Variants in TMEM50B observed in about 807,000 individuals in gnomAD.
The protein encoded by TMEM50B is HCV p7-trans-regulated protein 3.
TMEM50B carries 14 observed loss-of-function variants against 23.4 expected under a neutral mutation model. The ratio of observed to expected loss-of-function variants is 0.60; its 90% CI spans 0.39 to 0.93. The LOEUF is 0.93. Ranked by LOEUF, TMEM50B falls within the 40% of genes least tolerant of loss-of-function variation. The probability of loss-of-function intolerance (pLI) is 0.00; values close to 1 mark genes in which losing one functional copy is unlikely to be tolerated. For missense variants in TMEM50B, 159 were observed against 193.0 expected (o/e 0.82, Z 1.04); for synonymous variants, 64 against 62.3 (o/e 1.03, Z -0.13).
exon 9 of TMEM50B, chr21:33,432,527 G>C: frequency 2.4e-6 from 2 of 845,068 alleles, no homozygotes; most frequent in Non-Finnish European, 3.9e-6. Context: ...GCTACCACTT[G>C]CTTTATTTCA....
downstream of TMEM50B, among the ~76,000 whole-genome samples, chr21:33,446,283 C>G (rs2084054025): frequency 6.7e-6 from 1 of 149,422 alleles, no homozygotes; most frequent in African/African-American, 2.5e-5. Context: ...GTTGCCCACA[C>G]TGGAGTACAG....
chr21:33,468,967 G>T lies in TMEM50B; in HGVS notation c.-41-41C>A, dbSNP rs1385750632. On this transcript the variant is annotated intron_variant, in intron 1 of 6. Transcript: ENST00000542230. ...CAAAAACTAATCAACCTAAGAAAAT[G>T]TTTTCTAAAAGTAAAATACCTTACT... The T allele has an allele frequency of 7.1e-6, 8 of 1,125,350 alleles. No individual in the cohort carries two copies. In the East Asian group the frequency reaches 1.7e-4, roughly 23 times the overall value. 69.7% of individuals were successfully genotyped at this position (1,125,350 alleles called of 1,614,324 possible).
intron 5 of TMEM50B, among the ~76,000 whole-genome samples, chr21:33,457,675 C>T (rs988078358): frequency 1.2e-4 from 18 of 149,956 alleles, no homozygotes; most frequent in African/African-American, 3.2e-4. Flanking sequence ...AAAATACACT[C>T]AACAATAGTA....
rs925200308 is a variant in TMEM50B, at chr21:33,459,882, T to C, written c.373+531A>G. On this transcript the variant is annotated intron_variant, in intron 5 of 6. Transcript: ENST00000542230. Reference sequence around the variant, plus strand: ...ACTACATAGCACCGCCAGCTGGGTATAGACAAGCACATCCTATAATCTAAT... The same window carrying C: ...ACTACATAGCACCGCCAGCTGGGTACAGACAAGCACATCCTATAATCTAAT... 3.9e-5 allele frequency among the ~76,000 whole-genome samples: 6 copies of C among 152,110 alleles called. No homozygotes were observed. In the South Asian group the frequency reaches 8.3e-4, roughly 21 times the overall value.
intron 8 of TMEM50B, among the ~76,000 whole-genome samples, chr21:33,435,753 T>C (rs968708691): frequency 2.0e-5 from 3 of 151,770 alleles, no homozygotes; most frequent in African/African-American, 7.3e-5. Flanking sequence ...CATGGTGGCA[T>C]GCGCCTGTAG....
downstream of TMEM50B, among the ~76,000 whole-genome samples, chr21:33,444,885 C>T (rs146679695): frequency 0.021 from 3,176 of 150,926 alleles, 46 homozygotes; most frequent in Non-Finnish European, 0.033. Context: ...AATCCCAGCA[C>T]TTTAGGAGGC....
intron 5 of TMEM50B, among the ~76,000 whole-genome samples, chr21:33,458,090 G>C (rs542745884): frequency 6.6e-6 from 1 of 152,142 alleles, no homozygotes; most frequent in Non-Finnish European, 1.5e-5. Context: ...GAAGCTCTCC[G>C]AACCTCTTCT....
chr21:33,455,891 T>G, intron 5 of TMEM50B, 107 bp from the exon 6 acceptor site: 1 of 812,020 alleles, frequency 1.2e-6, no homozygotes, highest in South Asian at 1.4e-5. Context: ...AACATACTGC[T>G]ATTATTCATT....
chr21:33,453,508 T>C (rs529096959), intron 6 of TMEM50B, among the ~76,000 whole-genome samples: 2 of 152,156 alleles, frequency 1.3e-5, no homozygotes, highest in South Asian at 2.1e-4. Context: ...TAACCTGTAA[T>C]TGAAATCCCA....
downstream of TMEM50B, among the ~76,000 whole-genome samples, chr21:33,448,229 A>AGG (rs1294705545): frequency 1.3e-5 from 2 of 151,836 alleles, no homozygotes; most frequent in Non-Finnish European, 2.9e-5. Flanking sequence ...TCCTGACCTC[A>AGG]TGATCTGCCC....
At chr21:33,473,850 G>T (rs1357609275) in intron 1 of TMEM50B, among the ~76,000 whole-genome samples, 2 of 152,110 alleles carry the variant, frequency 1.3e-5, no homozygotes, top group Non-Finnish European at 2.9e-5. Flanking sequence ...TACAAATTCA[G>T]CAACAAAAAG....
At chr21:33,443,961 C>T (rs568798615) in intron 7 of TMEM50B, among the ~76,000 whole-genome samples, 25 of 152,046 alleles carry the variant, frequency 1.6e-4, no homozygotes, top group Admixed American at 1.5e-3. Flanking sequence ...AGTGCAATGG[C>T]GGGGTCTTGG....
intron 1 of TMEM50B, chr21:33,469,666 A>T (rs988618291): frequency 6.6e-6 from 1 of 152,132 alleles, no homozygotes; most frequent in Non-Finnish European, 1.5e-5. Flanking sequence ...CTGGAACACT[A>T]ATGCTTGGGC....
intron 6 of TMEM50B, among the ~76,000 whole-genome samples, chr21:33,451,527 T>C (rs1460074449): frequency 6.6e-6 from 1 of 152,106 alleles, no homozygotes; most frequent in East Asian, 1.9e-4. Context: ...GGAAAGGTTT[T>C]CCTGAGGAGT....
At chr21:33,458,997 CA>C (rs570940700) in intron 5 of TMEM50B, among the ~76,000 whole-genome samples, 2 of 152,100 alleles carry the variant, frequency 1.3e-5, no homozygotes, top group Non-Finnish European at 2.9e-5. Context: ...ATGATACTAT[CA>C]AAAGTATTCA....
chr21:33,476,567 C>G (rs1196910426), intron 1 of TMEM50B, among the ~76,000 whole-genome samples: 1 of 151,358 alleles, frequency 6.6e-6, no homozygotes, highest in Non-Finnish European at 1.5e-5. Flanking sequence ...TGAGACCATC[C>G]TGGCTAAAAC....
chr21:33,472,439 GAAGAA>G (rs2084326884), intron 1 of TMEM50B, among the ~76,000 whole-genome samples: 1 of 152,008 alleles, frequency 6.6e-6, no homozygotes, highest in Non-Finnish European at 1.5e-5. Flanking sequence ...AGATACAGTA[GAAGAA>G]AAGGACAGTA....
At chr21:33,436,223 TGC>T (rs2083949161) in intron 8 of TMEM50B, among the ~76,000 whole-genome samples, 4 of 148,100 alleles carry the variant, frequency 2.7e-5, no homozygotes, top group Non-Finnish European at 6.0e-5. Flanking sequence ...GGTGTGGTGG[TGC>T]ATGCCTGTAA....
intron 6 of TMEM50B, among the ~76,000 whole-genome samples, chr21:33,454,368 G>A (rs575426226): frequency 9.2e-5 from 14 of 152,026 alleles, no homozygotes; most frequent in African/African-American, 2.7e-4. Context: ...GCACTATCTC[G>A]ACTCACTCCA....
Sources: allele counts gnomAD v4.1 joint callset (sites outside exome capture counted in the v4.1 genomes callset), GRCh38; gene constraint gnomAD v4.1.1; transcripts MANE v1.5; gene names NCBI Gene and HGNC (gene_info 2026-07-23, HGNC 2026-07-21).